RPRD1B: variants seen among roughly 807,000 people sequenced by gnomAD.
The protein encoded by RPRD1B is regulation of nuclear pre-mRNA domain-containing protein 1B.
In RPRD1B, 11 loss-of-function variants were observed where a neutral mutation model predicts 41.5. The observed-to-expected ratio is 0.27, with a 90% CI of 0.17 to 0.44. The LOEUF (loss-of-function observed/expected upper bound fraction) is 0.44, where lower values mean the gene tolerates loss of function less well. Among genes scored for constraint, RPRD1B ranks in the 20% least tolerant of loss-of-function variants. RPRD1B has a pLI of 1.00. For missense variants in RPRD1B, 248 were observed against 389.9 expected (o/e 0.64, Z 3.06); for synonymous variants, 158 against 155.6 (o/e 1.02, Z -0.12).
intron 1 of RPRD1B, among the ~76,000 whole-genome samples, chr20:38,040,045 T>A (rs1487804826): frequency 2.0e-5 from 3 of 152,206 alleles, no homozygotes; most frequent in African/African-American, 7.2e-5. Context: ...ACTCAGTCTT[T>A]CATTCTGAAA....
Position 38,089,842 on chromosome 20 carries a change from G to C in RPRD1B, c.948G>C (p.Leu316=). ...ACGTCACAGGGGGCTTAGCCCCCCT[G>C]CCCTCTGCTGGGGACCTGTTTTCAA... ...LPNVTGGLAP[L]PSAGDLFSTD The change falls in exon 7 of 7, where the codon CTG becomes CTC. Residue 316 remains leucine (L), a synonymous_variant. Transcript: ENST00000373433. 5.0e-6 allele frequency: 8 copies of C among 1,614,118 alleles called. No homozygotes were observed. Among genetic ancestry groups the C allele is most frequent in the Non-Finnish European group, 6.8e-6 (8 of 1,179,984 alleles).
intron 6 of RPRD1B, among the ~76,000 whole-genome samples, chr20:38,066,815 C>G (rs2074362188): frequency 6.6e-6 from 1 of 152,146 alleles, no homozygotes; most frequent in Admixed American, 6.5e-5. Context: ...ACCACCACGC[C>G]TGGCTAATTT....
intron 3 of RPRD1B, 63 bp from the exon 4 acceptor site, chr20:38,057,469 A>G: frequency 8.8e-7 from 1 of 1,141,992 alleles, no homozygotes. Flanking sequence ...CCCATTGTGC[A>G]TAGCATGTGA....
chr20:38,081,703 C>T (rs750012237), intron 6 of RPRD1B, among the ~76,000 whole-genome samples: 2 of 152,076 alleles, frequency 1.3e-5, no homozygotes, highest in South Asian at 2.1e-4. Flanking sequence ...ATAGATGGCT[C>T]TTATTATTTT....
chr20:38,074,496 G>A (rs2074441109), intron 6 of RPRD1B, among the ~76,000 whole-genome samples: 1 of 152,208 alleles, frequency 6.6e-6, no homozygotes, highest in African/African-American at 2.4e-5. Flanking sequence ...AAGTGACACG[G>A]TTTTAAGGCT....
intron 3 of RPRD1B, chr20:38,049,797 T>C (rs1454325863): frequency 2.1e-6 from 1 of 471,234 alleles, no homozygotes; most frequent in Non-Finnish European, 4.4e-6. Context: ...ACATGTTTCC[T>C]GGAGGATCGA....
chr20:38,063,709 G>T (rs1568654507), intron 5 of RPRD1B, among the ~76,000 whole-genome samples: 1 of 152,168 alleles, frequency 6.6e-6, no homozygotes, highest in Non-Finnish European at 1.5e-5. Flanking sequence ...AGTCTTTGAG[G>T]AAACGAGGGA....
chr20:38,065,305 A>AG (rs373510092), intron 5 of RPRD1B, among the ~76,000 whole-genome samples: 16 of 151,884 alleles, frequency 1.1e-4, no homozygotes, highest in African/African-American at 3.4e-4. Flanking sequence ...TCTGGCGGGG[A>AG]GGGGGTCTTA....
intron 6 of RPRD1B, among the ~76,000 whole-genome samples, chr20:38,086,554 C>T (rs1346639946): frequency 3.9e-5 from 6 of 151,908 alleles, no homozygotes. Context: ...AGGCTGGTCT[C>T]GAACTCCTGG....
intron 3 of RPRD1B, among the ~76,000 whole-genome samples, chr20:38,049,367 C>CTT (rs11481142): frequency 0.026 from 2,434 of 93,276 alleles, 217 homozygotes; most frequent in African/African-American, 0.094. Flanking sequence ...TTCTTTTTTT[C>CTT]TTTTTTTTTT....
chr20:38,053,739 A>C (rs533467842), intron 3 of RPRD1B, among the ~76,000 whole-genome samples: 8 of 152,372 alleles, frequency 5.3e-5, no homozygotes, highest in Admixed American at 5.2e-4. Context: ...CTGTGGATGC[A>C]ACCAGCTACA....
chr20:38,068,476 T>A (rs2074380271), intron 6 of RPRD1B, among the ~76,000 whole-genome samples: 1 of 152,190 alleles, frequency 6.6e-6, no homozygotes, highest in African/African-American at 2.4e-5. Flanking sequence ...CACTGCAGCC[T>A]CCACCTCCCA....
intron 6 of RPRD1B, among the ~76,000 whole-genome samples, chr20:38,074,649 T>C (rs2074442210): frequency 6.6e-6 from 1 of 152,238 alleles, no homozygotes; most frequent in African/African-American, 2.4e-5. Flanking sequence ...TTCATATTTA[T>C]GGAATGCATA....
At chr20:38,088,662 G>A (rs2074584861) in intron 6 of RPRD1B, among the ~76,000 whole-genome samples, 1 of 152,124 alleles carries the variant, frequency 6.6e-6, no homozygotes, top group Non-Finnish European at 1.5e-5. Context: ...ACCTTTTTCC[G>A]GGAGCTGAGG....
At chr20:38,062,399 A>C (rs1568653885) in intron 5 of RPRD1B, among the ~76,000 whole-genome samples, 2 of 150,270 alleles carry the variant, frequency 1.3e-5, no homozygotes, top group African/African-American at 5.0e-5. Context: ...TGACCCTTCC[A>C]CCTTGAACTT....
At chr20:38,039,487 C>A (rs1366474825) in intron 1 of RPRD1B, among the ~76,000 whole-genome samples, 1 of 152,008 alleles carries the variant, frequency 6.6e-6, no homozygotes, top group Middle Eastern at 3.4e-3. Flanking sequence ...TCACCACAAC[C>A]TCTACCTCCC....
At chr20:38,046,255 C>G (rs929024242) in intron 2 of RPRD1B, among the ~76,000 whole-genome samples, 1 of 152,148 alleles carries the variant, frequency 6.6e-6, no homozygotes, top group African/African-American at 2.4e-5. Flanking sequence ...CCCAGGCCTT[C>G]TTATTCTTTG....
At chr20:38,076,103 C>T (rs980861437) in intron 6 of RPRD1B, among the ~76,000 whole-genome samples, 2 of 152,194 alleles carry the variant, frequency 1.3e-5, no homozygotes, top group African/African-American at 2.4e-5. Flanking sequence ...ATGTCCTTTT[C>T]CCAGTCCTTT....
intron 1 of RPRD1B, among the ~76,000 whole-genome samples, chr20:38,039,605 C>T (rs1231673239): frequency 6.6e-6 from 1 of 151,668 alleles, no homozygotes; most frequent in Non-Finnish European, 1.5e-5. Flanking sequence ...GGTTTCTCCA[C>T]GTTGGTCAGG....
Sources: allele counts gnomAD v4.1 joint callset (sites outside exome capture counted in the v4.1 genomes callset), GRCh38; gene constraint gnomAD v4.1.1; transcripts MANE v1.5; gene names NCBI Gene and HGNC (gene_info 2026-07-23, HGNC 2026-07-21).